The following STXBP5L variants were observed in gnomAD, a reference collection of about 807,000 sequenced individuals.
The protein encoded by STXBP5L is syntaxin-binding protein 5-like.
A neutral mutation model predicts 144.5 loss-of-function variants in STXBP5L; 65 were observed. The observed-to-expected ratio is 0.45, with a 90% CI of 0.37 to 0.55. STXBP5L has a LOEUF of 0.55. STXBP5L is among the 20% of genes least tolerant of loss of function. STXBP5L has a pLI of 0.00. For missense variants in STXBP5L, 1,298 were observed against 1,405.5 expected (o/e 0.92, Z 1.22); for synonymous variants, 505 against 469.6 (o/e 1.08, Z -0.97).
intron 3 of STXBP5L, among the ~76,000 whole-genome samples, chr3:120,982,485 C>T (rs1421153096): frequency 6.6e-6 from 1 of 152,202 alleles, no homozygotes; most frequent in Non-Finnish European, 1.5e-5. Flanking sequence ...CAATCCATTT[C>T]CCTGTTATAC....
At chr3:120,966,092 C>T (rs934994978) in intron 3 of STXBP5L, among the ~76,000 whole-genome samples, 1 of 152,114 alleles carries the variant, frequency 6.6e-6, no homozygotes, top group Non-Finnish European at 1.5e-5. Context: ...CTTGTGCATG[C>T]GTCACAAAGT....
At chr3:120,993,640 G>A (rs577189756) in intron 3 of STXBP5L, among the ~76,000 whole-genome samples, 1 of 152,028 alleles carries the variant, frequency 6.6e-6, no homozygotes, top group African/African-American at 2.4e-5. Context: ...TGAATTCTGT[G>A]TTCTGTTCCA....
At chr3:121,202,922 T>A (rs933415912) in intron 9 of STXBP5L, among the ~76,000 whole-genome samples, 1 of 152,088 alleles carries the variant, frequency 6.6e-6, no homozygotes. Context: ...AATGTTTTTT[T>A]CAAATTTAGG....
intron 9 of STXBP5L, among the ~76,000 whole-genome samples, chr3:121,167,920 C>A (rs1172665164): frequency 6.6e-6 from 1 of 152,182 alleles, no homozygotes; most frequent in Non-Finnish European, 1.5e-5. Context: ...ACAGACACCT[C>A]ATACAGGAGA....
intron 5 of STXBP5L, among the ~76,000 whole-genome samples, chr3:121,093,167 G>T (rs527525888): frequency 5.3e-5 from 8 of 152,106 alleles, no homozygotes; most frequent in African/African-American, 1.7e-4. Context: ...TGCTGGATTC[G>T]GTTTGCCAGT....
chr3:121,095,101 G>T (rs943470369), intron 5 of STXBP5L, among the ~76,000 whole-genome samples: 1 of 152,168 alleles, frequency 6.6e-6, no homozygotes, highest in African/African-American at 2.4e-5. Flanking sequence ...CTTTAAGAAT[G>T]TTGAATATTG....
At chr3:120,967,374 CTG>C (rs1939718963) in intron 3 of STXBP5L, among the ~76,000 whole-genome samples, 1 of 152,138 alleles carries the variant, frequency 6.6e-6, no homozygotes, top group Non-Finnish European at 1.5e-5. Flanking sequence ...CACCCATCTT[CTG>C]TGTCAATCAC....
At chr3:121,158,598 A>C (rs938255029) in intron 9 of STXBP5L, 1 of 152,252 alleles carries the variant, frequency 6.6e-6, no homozygotes, top group East Asian at 1.9e-4. Flanking sequence ...TTACATTTAG[A>C]TGCTTACTTA....
intron 3 of STXBP5L, among the ~76,000 whole-genome samples, chr3:120,972,527 T>G (rs555647450): frequency 6.6e-6 from 1 of 152,232 alleles, no homozygotes; most frequent in East Asian, 1.9e-4. Context: ...AGAGATAATT[T>G]GACTTTCTCT....
At chr3:121,294,342 G>A (rs2051563807) in intron 19 of STXBP5L, among the ~76,000 whole-genome samples, 1 of 152,228 alleles carries the variant, frequency 6.6e-6, no homozygotes, top group Admixed American at 6.5e-5. Flanking sequence ...TTTGGCTTGA[G>A]CCACTTATTG....
chr3:121,239,943 A>T (rs1276842578), intron 13 of STXBP5L, among the ~76,000 whole-genome samples: 1 of 152,118 alleles, frequency 6.6e-6, no homozygotes, highest in Non-Finnish European at 1.5e-5. Flanking sequence ...TTTAGGAAAC[A>T]TAATTATTAA....
In STXBP5L at chr3:121,269,425, G is replaced by A. The variant is rs575258970; in HGVS notation, c.1958+10257G>A. Among the ~76,000 whole-genome samples the A allele has an allele frequency of 5.6e-4, 84 of 150,658 alleles. No homozygotes were observed. In the East Asian group the frequency reaches 0.014, roughly 26 times the overall value. Reference sequence around the variant, plus strand: ...GCGACAGTATTATATGTGTGTGTGTGTATATATATATATGTATATATATAT... The same window carrying A: ...GCGACAGTATTATATGTGTGTGTGTATATATATATATATGTATATATATAT... On this transcript the variant is annotated intron_variant, in intron 18 of 26. Coordinates refer to ENST00000471454, the MANE Select transcript of STXBP5L (RefSeq NM_001308330.2).
At chr3:120,958,647 C>A (rs1348840786) in intron 3 of STXBP5L, among the ~76,000 whole-genome samples, 3 of 152,144 alleles carry the variant, frequency 2.0e-5, no homozygotes, top group Non-Finnish European at 4.4e-5. Context: ...GAACCAAAGA[C>A]AAAAACCACA....
intron 2 of STXBP5L, among the ~76,000 whole-genome samples, chr3:120,922,294 G>C (rs564039127): frequency 5.8e-4 from 88 of 152,058 alleles, no homozygotes; most frequent in African/African-American, 2.0e-3. Flanking sequence ...AAATGCTCCT[G>C]ATTTTTTTGC....
intron 18 of STXBP5L, among the ~76,000 whole-genome samples, chr3:121,262,345 C>T (rs2050410994): frequency 6.6e-6 from 1 of 152,218 alleles, no homozygotes; most frequent in African/African-American, 2.4e-5. Context: ...AAAATATCAT[C>T]TGGGCTGGAT....
chr3:121,191,572 GT>G (rs977303596), intron 9 of STXBP5L, among the ~76,000 whole-genome samples: 32 of 151,338 alleles, frequency 2.1e-4, no homozygotes, highest in South Asian at 2.1e-3. Flanking sequence ...TAGGGAGATA[GT>G]TTTTTTTTCC....
chr3:121,255,478 T>C (rs887692216), intron 16 of STXBP5L, among the ~76,000 whole-genome samples: 3 of 152,058 alleles, frequency 2.0e-5, no homozygotes, highest in African/African-American at 7.2e-5. Context: ...TGTTTTGAAC[T>C]ATGTATATAT....
intron 2 of STXBP5L, among the ~76,000 whole-genome samples, chr3:120,913,329 A>C (rs1708944559): frequency 6.6e-6 from 1 of 151,942 alleles, no homozygotes; most frequent in South Asian, 2.1e-4. Flanking sequence ...CCATTCTTAG[A>C]GAATCAAAAT....
intron 5 of STXBP5L, among the ~76,000 whole-genome samples, chr3:121,050,105 C>A (rs560502238): frequency 7.2e-5 from 11 of 152,120 alleles, no homozygotes; most frequent in Admixed American, 1.3e-4. Flanking sequence ...GATGCTGTTT[C>A]CCTGATAAAT....
Sources: allele counts gnomAD v4.1 joint callset (sites outside exome capture counted in the v4.1 genomes callset), GRCh38; gene constraint gnomAD v4.1.1; transcripts MANE v1.5; gene names NCBI Gene and HGNC (gene_info 2026-07-23, HGNC 2026-07-21).